VAPB: variants seen among roughly 807,000 people sequenced by gnomAD.
The protein encoded by VAPB is VAMP associated protein B and C, also known as vesicle-associated membrane protein-associated protein B/C.
Under a neutral mutation model 25.6 loss-of-function variants are expected in VAPB, and 7 were observed. The ratio of observed to expected loss-of-function variants is 0.27; its 90% confidence interval spans 0.16 to 0.51. VAPB has a LOEUF of 0.51. VAPB is among the 20% of genes least tolerant of loss of function. The pLI is 0.97. For missense variants in VAPB, 266 were observed against 301.3 expected, an observed-to-expected ratio of 0.88 and a Z score of 0.87; for synonymous variants, 112 against 109.2, an observed-to-expected ratio of 1.03 and a Z score of -0.16.
At chr20:58,427,945 A>G (rs1988842188) in intron 2 of VAPB, among the ~76,000 whole-genome samples, 1 of 149,076 alleles carries the variant, frequency 6.7e-6, no homozygotes, top group Admixed American at 6.6e-5. Flanking sequence ...ATCTGTTACC[A>G]TTATGATGCA....
intron 1 of VAPB, chr20:58,390,009 C>G (rs777960147): frequency 4.1e-4 from 64 of 156,122 alleles, no homozygotes; most frequent in Non-Finnish European, 1.7e-4. Flanking sequence ...TTTTCATACC[C>G]AAAATCACTG....
At chr20:58,423,447 A>G (rs1289284214) in intron 2 of VAPB, among the ~76,000 whole-genome samples, 2 of 145,636 alleles carry the variant, frequency 1.4e-5, no homozygotes, top group African/African-American at 2.6e-5. Flanking sequence ...AAAAAAAAAA[A>G]AAGAAAAGAA....
rs1401994713 is a variant in VAPB at position 58,448,576 on chromosome 20, T to C, written c.*4341T>C. On this transcript the variant is annotated 3_prime_UTR_variant, in exon 6 of 6. Transcript: ENST00000475243. ...TCAGTCTCTGTAAGGCCTACATTGC[T>C]AAGATACCATTTCAGCTCTGAAAAT... 2.2e-6 allele frequency: 1 copy of C among 454,130 alleles called. No homozygotes were observed. Among genetic ancestry groups the C allele is most frequent in the Non-Finnish European group, 4.4e-6 (1 of 226,794 alleles). 28.1% of individuals were successfully genotyped at this position (454,130 alleles called of 1,614,324 possible).
rs905976431 is a variant in VAPB at position 58,435,496 on chromosome 20, C to T, written c.315+791C>T. ...CTTGCATTGCTCTCCAGTTTTGGCC[C>T]GCCCAAAGGGGAGCCCCGAGTCATC... On this transcript the variant is annotated intron_variant, in intron 3 of 5. Transcript: ENST00000475243. Among the ~76,000 whole-genome samples, 26 of 152,144 alleles carry T rather than the reference C, an allele frequency of 1.7e-4. 1 individual carries two copies. Among genetic ancestry groups the T allele is most frequent in the Non-Finnish European group, 4.4e-5 (3 of 68,024 alleles).
At chr20:58,410,652 A>C (rs992949627) in intron 1 of VAPB, among the ~76,000 whole-genome samples, 1 of 149,058 alleles carries the variant, frequency 6.7e-6, no homozygotes, top group Non-Finnish European at 1.5e-5. Context: ...CCTGATGTCA[A>C]GTGATCCGCC....
At position 58,447,646 on chromosome 20, in the gene VAPB, G is replaced by T. The variant is rs1441186685; in HGVS notation, c.*3411G>T. On this transcript the variant is annotated 3_prime_UTR_variant, in exon 6 of 6. Transcript: ENST00000475243. ...AGCCTTTCAGATGAATTTGAAAACA[G>T]ACTCTGTGTGTGTGTGCATGTGTGC... The T allele has an allele frequency of 1.8e-5, 7 of 378,854 alleles. No homozygotes were observed. The highest frequency in any genetic ancestry group is 3.6e-5 in the Non-Finnish European group (7 of 196,626). The allele number at this position is 378,854 out of a possible 1,614,324, so 23.5% of individuals were successfully genotyped here. A position where few individuals can be genotyped will look rare whatever the true frequency, so the allele number is the denominator to read the frequency against.
intron 1 of VAPB, among the ~76,000 whole-genome samples, chr20:58,411,606 C>T (rs768413616): frequency 6.6e-6 from 1 of 152,174 alleles, no homozygotes; most frequent in Non-Finnish European, 1.5e-5. Flanking sequence ...GCTTTCTGTA[C>T]GTTTTTGGTG....
In VAPB at chr20:58,441,090, G is replaced by A. The variant is rs372276123; in HGVS notation, c.573+7G>A. 1.9e-6 allele frequency: 3 copies of A among 1,613,528 alleles called. No individual in the cohort carries two copies. The highest frequency in any genetic ancestry group is 1.7e-4 in the Middle Eastern group (1 of 6,060). On this transcript the variant is annotated splice_region_variant and intron_variant, in intron 5 of 5. Coordinates refer to ENST00000475243, the MANE Select transcript of VAPB (RefSeq NM_004738.5). ...GGAGAACAAGCAGTTCAAGGTAATA[G>A]TTTATTTTCTGGTAATCTACAGAAA...
At chr20:58,417,440 A>G (rs540743806) in intron 1 of VAPB, among the ~76,000 whole-genome samples, 1 of 152,342 alleles carries the variant, frequency 6.6e-6, no homozygotes, top group East Asian at 1.9e-4. Context: ...GTTTGGTTTA[A>G]GAAGCATGTT....
At chr20:58,422,982 AAC>A (rs567537844) in intron 2 of VAPB, among the ~76,000 whole-genome samples, 21 of 152,318 alleles carry the variant, frequency 1.4e-4, no homozygotes, top group African/African-American at 4.8e-4. Context: ...ATTAAAGACA[AAC>A]ACAAAACTCC....
At chr20:58,439,497 G>T in intron 4 of VAPB, 1 of 194,070 alleles carries the variant, frequency 5.2e-6, no homozygotes, top group Non-Finnish European at 1.1e-5. Context: ...GGATTTCTCA[G>T]CCTCAACACT....
rs1989275852 is a variant in VAPB at position 58,445,744 on chromosome 20, G to A, written c.*1509G>A. The A allele has an allele frequency of 2.2e-6, 1 of 452,622 alleles. No individual in the cohort carries two copies. Among genetic ancestry groups the A allele is most frequent in the Non-Finnish European group, 4.4e-6 (1 of 226,494 alleles). The allele number at this position is 452,622 out of a possible 1,614,324, so 28.0% of individuals were successfully genotyped here. A position where few individuals can be genotyped will look rare whatever the true frequency, so the allele number is the denominator to read the frequency against. On this transcript the variant is annotated 3_prime_UTR_variant, in exon 6 of 6. Transcript: ENST00000475243. ...TGTATTTTTTTTTTGGTTGTCTTCA[G>A]CTGACAGTATGAAAAATGAAACTGC...
intron 1 of VAPB, among the ~76,000 whole-genome samples, chr20:58,397,048 G>A (rs998881153): frequency 2.6e-5 from 4 of 152,212 alleles, no homozygotes; most frequent in East Asian, 3.8e-4. Context: ...ATTAATAGCT[G>A]TCAGGACAAT....
intron 1 of VAPB, among the ~76,000 whole-genome samples, chr20:58,415,605 A>G (rs552243600): frequency 4.6e-5 from 7 of 152,282 alleles, no homozygotes; most frequent in Non-Finnish European, 8.8e-5. Context: ...TTTATCTCTA[A>G]AAAGGAAAAA....
intron 1 of VAPB, among the ~76,000 whole-genome samples, chr20:58,413,927 T>C (rs55813770): frequency 0.28 from 8,442 of 29,912 alleles, 1,963 homozygotes; most frequent in African/African-American, 0.34. Context: ...ACCTCCCGGA[T>C]GGGGCGGCTG....
intron 1 of VAPB, among the ~76,000 whole-genome samples, chr20:58,393,033 G>T (rs1303779358): frequency 6.6e-6 from 1 of 152,136 alleles, no homozygotes; most frequent in Middle Eastern, 3.2e-3. Context: ...CTTTCTGAGA[G>T]AGTAAATGTT....
Position 58,434,465 on chromosome 20 carries a change from A to AAG in VAPB, c.212-137_212-136insAG. On this transcript the variant is annotated intron_variant, in intron 2 of 5. Transcript: ENST00000475243. ...ATGGAGATGTTGGTCATCCTTGCTT[A>AAG]CTTCACCAGGGGCGTCCATCCTAAG... The AAG allele has an allele frequency of 1.0e-5, 7 of 673,748 alleles. No homozygotes were observed. The South Asian group carries it at 1.1e-4, about 10-fold the overall frequency. 41.7% of individuals were successfully genotyped at this position (673,748 alleles called of 1,614,324 possible). A position where few individuals can be genotyped will look rare whatever the true frequency, so the allele number is the denominator to read the frequency against.
chr20:58,430,283 A>G (rs1293651853), intron 2 of VAPB, among the ~76,000 whole-genome samples: 1 of 149,408 alleles, frequency 6.7e-6, no homozygotes, highest in East Asian at 2.0e-4. Context: ...TCTGTCGCTC[A>G]GGCTGTAATG....
chr20:58,428,863 T>C (rs543268060), intron 2 of VAPB, among the ~76,000 whole-genome samples: 1 of 152,278 alleles, frequency 6.6e-6, no homozygotes, highest in Non-Finnish European at 1.5e-5. Flanking sequence ...GGGGCCATGT[T>C]ATGCAGGATG....
Sources: allele counts gnomAD v4.1 joint callset (sites outside exome capture counted in the v4.1 genomes callset), GRCh38; gene constraint gnomAD v4.1.1; transcripts MANE v1.5; gene names NCBI Gene and HGNC (gene_info 2026-07-23, HGNC 2026-07-21).